NBAS: variants seen among roughly 807,000 people sequenced by gnomAD.
The protein encoded by NBAS is NAG/BC035112 fusion.
In NBAS, 219 loss-of-function variants were observed where a neutral mutation model predicts 302.5. That is an observed-to-expected ratio of 0.72 (90% CI 0.65 to 0.81). The LOEUF is 0.81. NBAS is among the 30% of genes least tolerant of loss of function. The pLI is 0.00. For missense variants in NBAS, 2,932 were observed against 2,841.6 expected (o/e 1.03, Z -0.72); for synonymous variants, 1,118 against 1,021.6 (o/e 1.09, Z -1.80).
intron 11 of NBAS, among the ~76,000 whole-genome samples, chr2:15,500,480 A>G (rs1661463996): frequency 6.7e-6 from 1 of 149,624 alleles, no homozygotes; most frequent in Non-Finnish European, 1.5e-5. Flanking sequence ...TAGATATTCT[A>G]CACCATTATA....
chr2:15,022,277 T>C, the NBAS span, among the ~76,000 whole-genome samples: 1,886 of 152,284 alleles, frequency 0.012, 41 homozygotes, highest in African/African-American at 0.044. Flanking sequence ...AGTCAGGGCT[T>C]AACAAATATT....
the NBAS span, among the ~76,000 whole-genome samples, chr2:15,026,577 T>C: frequency 6.6e-6 from 1 of 152,146 alleles, no homozygotes; most frequent in Non-Finnish European, 1.5e-5. Context: ...GATTTGTGTA[T>C]GTTGAACCAA....
chr2:14,849,103 A>G, the NBAS span, among the ~76,000 whole-genome samples: 1 of 148,168 alleles, frequency 6.7e-6, no homozygotes, highest in Non-Finnish European at 1.5e-5. Flanking sequence ...TGAGAGAAGA[A>G]GGCTTCAGAC....
At chr2:15,384,418 T>A (rs1675188033) in intron 28 of NBAS, among the ~76,000 whole-genome samples, 1 of 152,130 alleles carries the variant, frequency 6.6e-6, no homozygotes, top group South Asian at 2.1e-4. Context: ...AATATAAGAA[T>A]AAGCTAAATT....
chr2:14,957,106 G>A, the NBAS span, among the ~76,000 whole-genome samples: 3 of 152,124 alleles, frequency 2.0e-5, no homozygotes, highest in African/African-American at 7.2e-5. Context: ...CTAAGCCAAG[G>A]AGAGGGGCCT....
At chr2:15,518,420 A>G (rs1176834560) in intron 9 of NBAS, among the ~76,000 whole-genome samples, 1 of 152,164 alleles carries the variant, frequency 6.6e-6, no homozygotes, top group Admixed American at 6.5e-5. Flanking sequence ...ATTTACATGC[A>G]GTGGTAACCA....
At chr2:15,430,787 T>C (rs1193399169) in intron 21 of NBAS, among the ~76,000 whole-genome samples, 2 of 152,056 alleles carry the variant, frequency 1.3e-5, no homozygotes, top group African/African-American at 2.4e-5. Flanking sequence ...GTCAGATTTG[T>C]ACACAGCAGG....
the NBAS span, among the ~76,000 whole-genome samples, chr2:15,106,461 C>G: frequency 1.3e-5 from 2 of 151,550 alleles, no homozygotes; most frequent in Non-Finnish European, 1.5e-5. Flanking sequence ...GTCTCTCTCT[C>G]TCTCTCTCTC....
intron 35 of NBAS, among the ~76,000 whole-genome samples, chr2:15,330,975 A>AAATAG (rs1056807229): frequency 1.3e-5 from 2 of 152,194 alleles, no homozygotes; most frequent in African/African-American, 4.8e-5. Context: ...CAAAAAATAA[A>AAATAG]AATAGAATTG....
At chr2:15,107,831 T>A in the NBAS span, among the ~76,000 whole-genome samples, 6 of 152,108 alleles carry the variant, frequency 3.9e-5, no homozygotes, top group African/African-American at 1.2e-4. Flanking sequence ...TTTGTGCCCC[T>A]TCCCAATCAA....
the NBAS span, among the ~76,000 whole-genome samples, chr2:15,011,743 T>G: frequency 2.4e-4 from 36 of 151,844 alleles, no homozygotes; most frequent in African/African-American, 8.2e-4. Flanking sequence ...CCCCAGCAAA[T>G]TCATGCCACC....
chr2:15,238,808 G>T (rs1461370233), intron 44 of NBAS, 122 bp from the exon 45 acceptor site: 1 of 820,282 alleles, frequency 1.2e-6, no homozygotes, highest in East Asian at 2.7e-5. Context: ...CCAATAAATA[G>T]CACTTGTTAT....
At chr2:15,050,725 G>A in the NBAS span, among the ~76,000 whole-genome samples, 2 of 152,154 alleles carry the variant, frequency 1.3e-5, no homozygotes, top group African/African-American at 4.8e-5. Context: ...AGCCTGACAG[G>A]CCCCAGCCCT....
At chr2:15,245,165 C>T (rs1420625073) in intron 44 of NBAS, among the ~76,000 whole-genome samples, 2 of 152,134 alleles carry the variant, frequency 1.3e-5, no homozygotes, top group African/African-American at 2.4e-5. Flanking sequence ...GTAATGGCTT[C>T]CCAACTCACT....
the NBAS span, among the ~76,000 whole-genome samples, chr2:14,982,800 C>T: frequency 3.9e-5 from 6 of 151,922 alleles, no homozygotes; most frequent in Admixed American, 3.9e-4. Flanking sequence ...TCAAAAATAA[C>T]ACGGTTACAA....
the NBAS span, among the ~76,000 whole-genome samples, chr2:14,916,117 TG>T: frequency 7.9e-5 from 12 of 152,208 alleles, no homozygotes; most frequent in Admixed American, 2.0e-4. Flanking sequence ...AATGGGATAA[TG>T]GTAATACTAT....
chr2:15,424,179 T>TA (rs1677347255), intron 23 of NBAS, 136 bp downstream of exon 23: 1 of 1,096,386 alleles, frequency 9.1e-7, no homozygotes, highest in Non-Finnish European at 1.4e-6. Flanking sequence ...AACAAAGAAA[T>TA]AAATATTCAA....
intron 28 of NBAS, among the ~76,000 whole-genome samples, chr2:15,388,299 C>T (rs1675411407): frequency 6.6e-6 from 1 of 151,880 alleles, no homozygotes; most frequent in African/African-American, 2.4e-5. Flanking sequence ...ATTAGTCCTG[C>T]ACATCTCATG....
chr2:15,405,251 A>G lies in NBAS; in HGVS notation c.2938-2950T>C, dbSNP rs554849126. Among the ~76,000 whole-genome samples, 11 of 152,342 alleles carry G rather than the reference A, an allele frequency of 7.2e-5. 1 individual carries two copies. The South Asian group carries it at 1.4e-3, about 20-fold the overall frequency. ...ATAAGTCCTTATACTACTCTCATAC[A>G]TAAGATACCCTTCTCTCTCTGTATT... is the stretch of plus-strand genomic sequence containing the variant. On this transcript the variant is annotated intron_variant, in intron 25 of 51. Transcript: ENST00000281513.
Sources: gnomAD v4.1 joint callset for allele counts (sites outside exome capture counted in the v4.1 genomes callset) on GRCh38, gnomAD v4.1.1 for gene constraint, MANE v1.5 for transcripts, NCBI Gene and HGNC (gene_info 2026-07-23, HGNC 2026-07-21) for gene names.